NYAP2: variants seen among roughly 807,000 people sequenced by gnomAD.
The protein encoded by NYAP2 is neuronal tyrosine-phosphorylated phosphoinositide-3-kinase adapter 2.
NYAP2 carries 23 observed loss-of-function variants against 50.4 expected under a neutral mutation model. The ratio of observed to expected loss-of-function variants is 0.46; its 90% CI spans 0.33 to 0.65. The LOEUF (loss-of-function observed/expected upper bound fraction) is 0.65. NYAP2 is among the 30% of genes least tolerant of loss of function. The probability of loss-of-function intolerance (pLI) is 0.02; values close to 1 mark genes in which losing one functional copy is unlikely to be tolerated. For synonymous variants in NYAP2, 394 were observed against 365.2 expected, an observed-to-expected ratio of 1.08 and a Z score of -0.90; for missense variants, 885 against 861.0, an observed-to-expected ratio of 1.03 and a Z score of -0.35.
At chr2:225,551,681 G>T (rs1306551105) in intron 4 of NYAP2, among the ~76,000 whole-genome samples, 1 of 152,124 alleles carries the variant, frequency 6.6e-6, no homozygotes, top group African/African-American at 2.4e-5. Flanking sequence ...TTATGTACAG[G>T]CCAGTATATT....
rs746528276 is a variant in NYAP2, at chr2:225,477,653, ATCT to A, written c.222-35711_222-35709del. Among the ~76,000 whole-genome samples, 4 of 152,270 alleles carry A rather than the reference ATCT, an allele frequency of 2.6e-5. No homozygotes were observed. The East Asian group carries it at 7.7e-4, about 29-fold the overall frequency. On this transcript the variant is annotated intron_variant, in intron 3 of 6. Coordinates refer to ENST00000636099, the Ensembl canonical transcript of NYAP2. Reference sequence around the variant, plus strand: ...TTAGAAACTTACTTTATAAGAGTCAATCTTCTTCTCTCTCACTGCATATGTGTG... The same window carrying A: ...TTAGAAACTTACTTTATAAGAGTCAATCTTCTCTCTCACTGCATATGTGTG...
intron 3 of NYAP2, among the ~76,000 whole-genome samples, chr2:225,425,218 T>C (rs962663130): frequency 3.9e-5 from 6 of 152,162 alleles, no homozygotes; most frequent in Admixed American, 1.3e-4. Flanking sequence ...TCAGGTGCAT[T>C]CCTATAAAAG....
chr2:225,532,747 G>A (rs776016909), intron 4 of NYAP2, among the ~76,000 whole-genome samples: 61 of 152,102 alleles, frequency 4.0e-4, no homozygotes, highest in Non-Finnish European at 8.4e-4. Flanking sequence ...ACAAGCAGGG[G>A]AAAAGAACAT....
At chr2:225,421,883 C>T (rs1695220648) in intron 3 of NYAP2, among the ~76,000 whole-genome samples, 1 of 152,122 alleles carries the variant, frequency 6.6e-6, no homozygotes, top group Non-Finnish European at 1.5e-5. Flanking sequence ...ACTTTACAAC[C>T]CCTATCAGTA....
chr2:225,668,983 T>G, the NYAP2 span, among the ~76,000 whole-genome samples: 2 of 91,024 alleles, frequency 2.2e-5, no homozygotes, highest in African/African-American at 7.2e-5. Context: ...TTTTTTTTTT[T>G]TTTTGCTGCT....
chr2:225,475,394 T>C (rs1293294150), intron 3 of NYAP2, among the ~76,000 whole-genome samples: 1 of 152,200 alleles, frequency 6.6e-6, no homozygotes, highest in African/African-American at 2.4e-5. Context: ...AAGTTATCTC[T>C]GTAATGTTAG....
the NYAP2 span, among the ~76,000 whole-genome samples, chr2:225,675,760 A>G: frequency 3.3e-5 from 5 of 152,174 alleles, no homozygotes; most frequent in African/African-American, 1.2e-4. Context: ...TATTCCCACC[A>G]ACCATGTATA....
At chr2:225,655,939 C>T (rs1427896568), downstream of NYAP2, among the ~76,000 whole-genome samples, 15 of 149,394 alleles carry the variant, frequency 1.0e-4, no homozygotes, top group African/African-American at 2.9e-4. Flanking sequence ...TACACACATA[C>T]ACACACACAC....
intron 5 of NYAP2, among the ~76,000 whole-genome samples, chr2:225,614,667 T>C (rs1375132548): frequency 6.6e-6 from 1 of 152,202 alleles, no homozygotes; most frequent in Non-Finnish European, 1.5e-5. Context: ...AAACATTTTC[T>C]TCATTAGAAA....
At chr2:225,610,481 C>T (rs115088830) in intron 5 of NYAP2, among the ~76,000 whole-genome samples, 1 of 152,114 alleles carries the variant, frequency 6.6e-6, no homozygotes, top group East Asian at 1.9e-4. Context: ...AGGACTTTAA[C>T]ATGTGAATTT....
chr2:225,619,509 T>G (rs1693052222), intron 5 of NYAP2, among the ~76,000 whole-genome samples: 1 of 152,118 alleles, frequency 6.6e-6, no homozygotes, highest in African/African-American at 2.4e-5. Flanking sequence ...TGAGGAAGAG[T>G]GAATAAGAGA....
Position 225,582,809 on chromosome 2 carries a change from C to T in NYAP2, c.1392C>T (p.Ser464=). Reference sequence around the variant, plus strand: ...CTTACGACGCTGTGCATTCGGGCAGCCTCTCAAGGAGCTCTCCTTCAGTGC... The same window carrying T: ...CTTACGACGCTGTGCATTCGGGCAGTCTCTCAAGGAGCTCTCCTTCAGTGC... Residue 464 remains serine, a synonymous_variant, in exon 5 of 7, where the codon AGC becomes AGT. Coordinates refer to ENST00000636099, the Ensembl canonical transcript of NYAP2. This position sits in a 1 kb window ranked among gnomAD's most constrained non-coding sequence, Gnocchi z 7.0. The T allele has an allele frequency of 6.2e-7, 1 of 1,613,926 alleles. No homozygotes were observed. The highest frequency in any genetic ancestry group is 2.2e-5 in the East Asian group (1 of 44,878).
At chr2:225,586,535 T>C (rs1304683077) in intron 5 of NYAP2, among the ~76,000 whole-genome samples, 1 of 152,228 alleles carries the variant, frequency 6.6e-6, no homozygotes, top group Non-Finnish European at 1.5e-5. Context: ...GATCAACTCA[T>C]ATGCTATTGC....
the NYAP2 span, among the ~76,000 whole-genome samples, chr2:225,675,688 C>T: frequency 6.6e-6 from 1 of 152,072 alleles, no homozygotes; most frequent in South Asian, 2.1e-4. Flanking sequence ...TCAGTTGGTA[C>T]TCCTATTATA....
At chr2:225,584,880 T>A (rs1312814148) in intron 5 of NYAP2, among the ~76,000 whole-genome samples, 2 of 152,214 alleles carry the variant, frequency 1.3e-5, no homozygotes, top group Non-Finnish European at 2.9e-5. Flanking sequence ...CTAGGAACAA[T>A]CTATTTCTAG....
At chr2:225,701,004 G>C in the NYAP2 span, 1 of 151,686 alleles carries the variant, frequency 6.6e-6, no homozygotes, top group Non-Finnish European at 1.5e-5. Context: ...TTTGACCTTA[G>C]GCAACCATTT....
At chr2:225,683,067 CTT>C in the NYAP2 span, among the ~76,000 whole-genome samples, 1 of 152,220 alleles carries the variant, frequency 6.6e-6, no homozygotes, top group South Asian at 2.1e-4. Context: ...TCTGTTGACT[CTT>C]TGCATTCTTT....
At chr2:225,665,562 T>TTC in the NYAP2 span, among the ~76,000 whole-genome samples, 7 of 150,634 alleles carry the variant, frequency 4.6e-5, no homozygotes, top group African/African-American at 1.7e-4. Context: ...CACACCACCT[T>TTC]TCCCTAGCTC....
chr2:225,541,444 AT>A (rs1691470057), intron 4 of NYAP2, among the ~76,000 whole-genome samples: 1 of 152,108 alleles, frequency 6.6e-6, no homozygotes, highest in African/African-American at 2.4e-5. Context: ...TAAGTCATTA[AT>A]CCATTTTGAT....
Sources: gnomAD v4.1 joint callset for allele counts (sites outside exome capture counted in the v4.1 genomes callset) on GRCh38, gnomAD v4.1.1 for gene constraint, Gnocchi (gnomAD v3.1) non-coding constraint, MANE v1.5 for transcripts, NCBI Gene and HGNC (gene_info 2026-07-23, HGNC 2026-07-21) for gene names.